FRMD7: variants seen among roughly 807,000 people sequenced by gnomAD.
The protein encoded by FRMD7 is FERM domain-containing protein 7.
FRMD7 carries 14 observed loss-of-function variants against 44.1 expected under a neutral mutation model. The observed-to-expected ratio is 0.32, with a 90% CI of 0.21 to 0.50. The LOEUF (loss-of-function observed/expected upper bound fraction) is 0.50. Among genes scored for constraint, FRMD7 ranks in the 20% least tolerant of loss-of-function variants. The pLI is 0.99. For missense variants in FRMD7, 501 were observed against 522.3 expected, an observed-to-expected ratio of 0.96 and a Z score of 0.40; for synonymous variants, 212 against 187.4, an observed-to-expected ratio of 1.13 and a Z score of -1.07.
chrX:132,080,317 C>T (rs763430732), intron 9 of FRMD7, 51 bp from the exon 10 acceptor site: 1 of 806,760 alleles, frequency 1.2e-6, no homozygotes, highest in Non-Finnish European at 1.9e-6. Context: ...AACCAATAGG[C>T]TACTAAAACT....
Position 132,097,325 on chromosome X carries a change from G to C in FRMD7, c.225C>G (p.Phe75Leu). 1 of 1,178,347 alleles carries C rather than the reference G, an allele frequency of 8.5e-7. No individual in the cohort carries two copies. The highest frequency in any genetic ancestry group is 1.2e-6 in the Non-Finnish European group (1 of 865,542). ...KQVKNPKEIVFKFMVKFFPVD... is the reference protein window; with the variant it reads ...KQVKNPKEIVLKFMVKFFPVD... ...CTGGGAAAAATTTCACCATAAATTT[G>C]AAAACAATCTCCTTAGGATCTTAAA... Residue 75 changes from phenylalanine (F) to leucine (L), a missense_variant, in exon 4 of 12, where the codon TTC becomes TTG. Phe to Leu is a conservative substitution (Grantham distance 22). Transcript: ENST00000298542.
rs1928137838 is a variant in FRMD7, at chrX:132,090,588, G to C, written c.382+3454C>G. The stretch of plus-strand genomic sequence containing the variant: ...AGGGCGTGACTGCAAGTAGGGATGA[G>C]AGATGTCTTTTGGTGTGATGGAAAT... On this transcript the variant is annotated intron_variant, in intron 5 of 11. Coordinates refer to ENST00000298542, the MANE Select transcript of FRMD7 (RefSeq NM_194277.3). 2.7e-5 allele frequency among the ~76,000 whole-genome samples: 3 copies of C among 111,419 alleles called. No individual in the cohort carries two copies. In the South Asian group the frequency reaches 1.1e-3, roughly 43 times the overall value.
In FRMD7 at chrX:132,127,686, C is replaced by G. The variant is rs749647655; in HGVS notation, c.57+102G>C. The stretch of plus-strand genomic sequence containing the variant: ...CTAAAAATCACAGTCCTCCTTCATT[C>G]AGTCCTAAAGAAGACATAACATTGC... On this transcript the variant is annotated intron_variant, in intron 1 of 11. Coordinates refer to ENST00000298542, the MANE Select transcript of FRMD7 (RefSeq NM_194277.3). 2.2e-3 allele frequency: 1,416 copies of G among 644,797 alleles called. 3 individuals are homozygous for G. Among genetic ancestry groups the G allele is most frequent in the Middle Eastern group, 0.01 (30 of 2,956 alleles). 53.1% of individuals were successfully genotyped at this position (644,797 alleles called of 1,213,427 possible).
rs777941800 is a variant in FRMD7, at chrX:132,083,840, G to A, written c.741+650C>T. ...TAGCGAAGTGTGGTGGCACATGCCT[G>A]TAGTCCTAGCTACTCAAAAGGCTGA... On this transcript the variant is annotated intron_variant, in intron 8 of 11. Transcript: ENST00000298542. 2.7e-4 allele frequency among the ~76,000 whole-genome samples: 30 copies of A among 111,537 alleles called. No individual in the cohort carries two copies. The South Asian group carries it at 0.011, about 40-fold the overall frequency.
intron 1 of FRMD7, among the ~76,000 whole-genome samples, chrX:132,115,636 A>C (rs1569348327): frequency 8.9e-6 from 1 of 112,145 alleles, no homozygotes; most frequent in Non-Finnish European, 1.9e-5. Flanking sequence ...TCCCAATGCA[A>C]GATCTTCCAA....
At chrX:132,101,849 G>A (rs941636742) in intron 1 of FRMD7, among the ~76,000 whole-genome samples, 3 of 111,542 alleles carry the variant, frequency 2.7e-5, no homozygotes, top group Non-Finnish European at 5.6e-5. Flanking sequence ...GAGTATGGCT[G>A]GGACTGATTT....
chrX:132,089,130 A>G (rs1432785469), intron 5 of FRMD7, among the ~76,000 whole-genome samples: 1 of 112,471 alleles, frequency 8.9e-6, no homozygotes, highest in Non-Finnish European at 1.9e-5. Context: ...CAGTGTGGTA[A>G]TGGCATAAGA....
intron 1 of FRMD7, among the ~76,000 whole-genome samples, chrX:132,118,180 G>A (rs771721794): frequency 4.5e-5 from 5 of 111,147 alleles, no homozygotes; most frequent in African/African-American, 1.3e-4. Context: ...TGGAATGAAC[G>A]CATCTACTTT....
At chrX:132,105,730 G>A (rs1396530082) in intron 1 of FRMD7, among the ~76,000 whole-genome samples, 4 of 111,226 alleles carry the variant, frequency 3.6e-5, no homozygotes, top group African/African-American at 1.3e-4. Flanking sequence ...TCAAATCGTC[G>A]ACAAAGCTGA....
intron 1 of FRMD7, among the ~76,000 whole-genome samples, chrX:132,107,503 G>T (rs1928674145): frequency 9.1e-6 from 1 of 110,460 alleles, no homozygotes; most frequent in Non-Finnish European, 1.9e-5. Flanking sequence ...CATTTCTAGA[G>T]GCTGGAGACC....
intron 1 of FRMD7, among the ~76,000 whole-genome samples, chrX:132,102,987 C>A (rs1238109587): frequency 8.9e-6 from 1 of 112,166 alleles, no homozygotes; most frequent in Admixed American, 9.4e-5. Context: ...TTCCCTGATT[C>A]TTCCATCCCT....
chrX:132,120,089 C>T (rs1928997363), intron 1 of FRMD7, among the ~76,000 whole-genome samples: 1 of 111,801 alleles, frequency 8.9e-6, no homozygotes, highest in East Asian at 2.8e-4. Context: ...AGGCCATGCC[C>T]TTTTGACCCC....
Position 132,127,974 on chromosome X carries a change from G to A in FRMD7, c.-130C>T, listed in dbSNP as rs965557156. The A allele has an allele frequency of 4.1e-5, 23 of 565,473 alleles. No individual in the cohort carries two copies. Among genetic ancestry groups the A allele is most frequent in the Non-Finnish European group, 6.0e-5 (19 of 318,617 alleles). 46.6% of individuals were successfully genotyped at this position (565,473 alleles called of 1,213,427 possible). ...CCAGCCAGGCATTCCCACTGTCAGC[G>A]GGGCACACTTCCGTTTGCTTGAAGT... is the stretch of plus-strand genomic sequence containing the variant. On this transcript the variant is annotated 5_prime_UTR_variant, in exon 1 of 12. Coordinates refer to ENST00000298542, the MANE Select transcript of FRMD7 (RefSeq NM_194277.3).
chrX:132,094,526 C>G (rs1928273288), intron 4 of FRMD7, among the ~76,000 whole-genome samples: 1 of 112,198 alleles, frequency 8.9e-6, no homozygotes, highest in African/African-American at 3.2e-5. Context: ...TTACAAAACA[C>G]TATCAAGTAC....
At position 132,094,243 on chromosome X, in the gene FRMD7, C is replaced by G. The variant is rs5933067; in HGVS notation, c.285-104G>C. 49,889 of 562,549 alleles carry G rather than the reference C, an allele frequency of 0.089. 1,782 individuals are homozygous for G. The highest frequency in any genetic ancestry group is 0.11 in the Non-Finnish European group (35,811 of 328,690). The allele number at this position is 562,549 out of a possible 1,213,427, so 46.4% of individuals were successfully genotyped here. A position where few individuals can be genotyped will look rare whatever the true frequency, so the allele number is the denominator to read the frequency against. On this transcript the variant is annotated intron_variant, in intron 4 of 11. Transcript: ENST00000298542. ...ATGATTCAAGAAAGGAATGGTGCCC[C>G]CAGTCAGTCAGATGCCTTTTTGGGG...
intron 1 of FRMD7, among the ~76,000 whole-genome samples, chrX:132,101,555 G>A (rs945990999): frequency 8.9e-6 from 1 of 111,836 alleles, no homozygotes; most frequent in African/African-American, 3.3e-5. Flanking sequence ...TATTTTTCTT[G>A]TTACTCACCA....
At chrX:132,127,673 G>C in intron 1 of FRMD7, 115 bp downstream of exon 1, 1 of 609,162 alleles carries the variant, frequency 1.6e-6, no homozygotes, top group Non-Finnish European at 2.9e-6. Flanking sequence ...AAAAATCACA[G>C]TCCTCCTTCA....
chrX:132,101,484 C>T (rs1056362640), intron 1 of FRMD7, among the ~76,000 whole-genome samples: 4 of 112,376 alleles, frequency 3.6e-5, no homozygotes, highest in African/African-American at 9.7e-5. Flanking sequence ...CATAGCACTT[C>T]TTGCCCTGGA....
At chrX:132,108,773 T>C (rs1928707647) in intron 1 of FRMD7, among the ~76,000 whole-genome samples, 3 of 110,945 alleles carry the variant, frequency 2.7e-5, no homozygotes, top group Admixed American at 9.6e-5. Flanking sequence ...GTTTCCCCCA[T>C]ACTGTTCTCA....
Sources: gnomAD v4.1 joint callset for allele counts (sites outside exome capture counted in the v4.1 genomes callset) on GRCh38, gnomAD v4.1.1 for gene constraint, MANE v1.5 for transcripts, NCBI Gene and HGNC (gene_info 2026-07-23, HGNC 2026-07-21) for gene names.